Variants in ZBTB17 observed in about 807,000 individuals in gnomAD.
ZBTB17 encodes zinc finger and BTB domain-containing protein 17.
Under a neutral mutation model 85.1 loss-of-function variants are expected in ZBTB17, and 24 were observed. That is an observed-to-expected ratio of 0.28 (90% CI 0.20 to 0.40). ZBTB17 has a LOEUF of 0.40. Among genes scored for constraint, ZBTB17 ranks in the 10% least tolerant of loss-of-function variants. The pLI is 1.00. For synonymous variants in ZBTB17, 464 were observed against 460.2 expected, an observed-to-expected ratio of 1.01 and a Z score of -0.11; for missense variants, 743 against 1,105.1, an observed-to-expected ratio of 0.67 and a Z score of 4.65.
chr1:15,946,883 C>A, intron 4 of ZBTB17, 52 bp downstream of exon 4: 1 of 1,562,234 alleles, frequency 6.4e-7, no homozygotes, highest in Middle Eastern at 2.0e-4. Flanking sequence ...GAGCCCACAT[C>A]AAAAGCCAAG....
chr1:15,971,127 A>G (rs988427730), intron 2 of ZBTB17, among the ~76,000 whole-genome samples: 1 of 152,142 alleles, frequency 6.6e-6, no homozygotes, highest in African/African-American at 2.4e-5. Flanking sequence ...AGTGTTCACA[A>G]CTTCCTTGTA....
intron 2 of ZBTB17, among the ~76,000 whole-genome samples, chr1:15,971,428 T>TAC (rs142948524): frequency 1.0e-5 from 1 of 96,318 alleles, no homozygotes; most frequent in East Asian, 2.4e-4. Context: ...TATATATATA[T>TAC]ACACACACAC....
chr1:15,948,527 G>A (rs2071705267), intron 2 of ZBTB17, 30 bp from the exon 3 acceptor site: 2 of 1,603,030 alleles, frequency 1.2e-6, no homozygotes, highest in East Asian at 4.5e-5. Flanking sequence ...GTTGGGGTTA[G>A]CACGGAGAAA....
intron 2 of ZBTB17, chr1:15,970,134 C>G (rs778567823): frequency 5.0e-6 from 3 of 597,944 alleles, no homozygotes; most frequent in Non-Finnish European, 9.1e-6. Context: ...TCATATGTAC[C>G]TTTTGTCTTA....
In ZBTB17 at chr1:15,944,979, G is replaced by A; in HGVS notation, c.885C>T (p.Arg295=). The change falls in exon 7 of 16, where the codon CGC becomes CGT. Residue 295 remains arginine (R), a synonymous_variant. Coordinates refer to ENST00000375743, the MANE Select transcript of ZBTB17 (RefSeq NM_003443.3). ...RGLRSGTYGD[R]TESKAYGSVI... ...CGGAGCCGTAGGCCTTGGACTCCGT[G>A]CGGTCGCCGTAGGTGCCTGAGCGCA... The A allele has an allele frequency of 6.3e-7, 1 of 1,584,278 alleles. No homozygotes were observed. Among genetic ancestry groups the A allele is most frequent in the South Asian group, 1.1e-5 (1 of 87,464 alleles).
chr1:15,944,163 G>A (rs1254197679), intron 9 of ZBTB17, 137 bp downstream of exon 9: 2 of 1,312,054 alleles, frequency 1.5e-6, no homozygotes, highest in Non-Finnish European at 1.1e-6. Context: ...CTCTCGCTGC[G>A]CCTGTTTCCT....
chr1:15,965,802 G>A (rs780309057), intron 2 of ZBTB17, among the ~76,000 whole-genome samples: 5 of 152,244 alleles, frequency 3.3e-5, no homozygotes, highest in Non-Finnish European at 7.3e-5. Context: ...ATTATATTAA[G>A]TTCAAAAACC....
intron 6 of ZBTB17, 94 bp downstream of exon 6, chr1:15,945,621 G>T: frequency 1.3e-6 from 2 of 1,544,900 alleles, no homozygotes; most frequent in South Asian, 1.2e-5. Context: ...GGACTAGCTG[G>T]AGGCAGGAGG....
In ZBTB17 at chr1:15,947,119, C is replaced by T; in HGVS notation, c.210G>A (p.Leu70=). The change falls in exon 4 of 16, where the codon CTG becomes CTA. Residue 70 remains leucine (L), a synonymous_variant. Transcript: ENST00000375743. ...VHLDISNAAG[L]GQVLEFMYTA... Reference sequence around the variant, plus strand: ...TGTACATAAACTCCAGCACCTGCCCCAGGCCTACCAAGGACAGGACAGCTG... The same window carrying T: ...TGTACATAAACTCCAGCACCTGCCCTAGGCCTACCAAGGACAGGACAGCTG... 1.2e-6 allele frequency: 2 copies of T among 1,608,512 alleles called. No individual in the cohort carries two copies. Among genetic ancestry groups the T allele is most frequent in the Middle Eastern group, 1.7e-4 (1 of 6,048 alleles).
rs1255921533 is a variant in ZBTB17, at chr1:15,943,630, G to T, written c.1545C>A (p.Gly515=). ...IHCQRQFADP[G]ALQRHVRIHT... Reference sequence around the variant, plus strand: ...GAATGCGGACGTGCCGCTGCAGAGCGCCGGGGTCTGCAAACTGTCGCTGGC... The same window carrying T: ...GAATGCGGACGTGCCGCTGCAGAGCTCCGGGGTCTGCAAACTGTCGCTGGC... The change falls in exon 11 of 16, where the codon GGC becomes GGA. Residue 515 remains glycine, a synonymous_variant. Coordinates refer to ENST00000375743, the MANE Select transcript of ZBTB17 (RefSeq NM_003443.3). 6.2e-7 allele frequency: 1 copy of T among 1,612,944 alleles called. No homozygotes were observed. Among genetic ancestry groups the T allele is most frequent in the Admixed American group, 1.7e-5 (1 of 60,024 alleles).
chr1:15,942,987 G>A, intron 13 of ZBTB17, 77 bp downstream of exon 13: 3 of 1,581,638 alleles, frequency 1.9e-6, no homozygotes, highest in Non-Finnish European at 2.6e-6. Context: ...GGGTCTGGGG[G>A]GTCCCTTCCT....
Position 15,951,762 on chromosome 1 carries a change from G to A in ZBTB17, c.-2-3265C>T, listed in dbSNP as rs767349024. 4.6e-5 allele frequency among the ~76,000 whole-genome samples: 7 copies of A among 152,106 alleles called. No individual in the cohort carries two copies. The highest frequency in any genetic ancestry group is 1.0e-4 in the Non-Finnish European group (7 of 68,018). ...CTCAGCGACAGGAACCCAGCAGGACGGCCAGGCTTGGAGGGACATAGGAAA... is the reference window on the plus strand; with the variant it reads ...CTCAGCGACAGGAACCCAGCAGGACAGCCAGGCTTGGAGGGACATAGGAAA... On this transcript the variant is annotated intron_variant, in intron 2 of 15. Coordinates refer to ENST00000375743, the MANE Select transcript of ZBTB17 (RefSeq NM_003443.3). This position sits in a 1 kb window ranked among gnomAD's most constrained non-coding sequence, Gnocchi z 4.1.
chr1:15,962,021 T>C (rs2072277621), intron 2 of ZBTB17, among the ~76,000 whole-genome samples: 1 of 151,864 alleles, frequency 6.6e-6, no homozygotes, highest in Non-Finnish European at 1.5e-5. Flanking sequence ...CTGGGCAACA[T>C]GGTGAGATCC....
intron 5 of ZBTB17, 120 bp from the exon 6 acceptor site, chr1:15,945,960 C>A: frequency 1.3e-6 from 2 of 1,557,630 alleles, no homozygotes; most frequent in Non-Finnish European, 1.7e-6. Context: ...CCCCAGCACA[C>A]CCCTAGCCAA....
intron 6 of ZBTB17, 151 bp downstream of exon 6, chr1:15,945,564 C>T (rs1374137459): frequency 5.1e-6 from 6 of 1,170,134 alleles, no homozygotes; most frequent in Admixed American, 2.6e-5. Context: ...CAAGAACATG[C>T]GAAGACCAAG....
chr1:15,946,839 G>C, intron 4 of ZBTB17, 96 bp downstream of exon 4: 1 of 1,425,984 alleles, frequency 7.0e-7, no homozygotes, highest in Non-Finnish European at 9.4e-7. Flanking sequence ...GGCAGGGCCA[G>C]ATGAGGAAAC....
rs553124841 is a variant in ZBTB17 at position 15,964,622 on chromosome 1, C to T, written c.-3+8417G>A. 1.6e-3 allele frequency among the ~76,000 whole-genome samples: 239 copies of T among 152,086 alleles called. No homozygotes were observed. Among genetic ancestry groups the T allele is most frequent in the Admixed American group, 2.7e-3 (41 of 15,278 alleles). On this transcript the variant is annotated intron_variant, in intron 2 of 15. Coordinates refer to ENST00000375743, the MANE Select transcript of ZBTB17 (RefSeq NM_003443.3). The surrounding 1 kb of genome is among the most constrained non-coding windows in gnomAD (Gnocchi z 4.3). ...GTCTCAGCTACTTGGGAGGCTGAGG[C>T]GGAAGGATAGCTTAAGCCTGGGAGG...
rs1257216566 is a variant in ZBTB17, at chr1:15,973,166, TA to T, written c.-89-42del. On this transcript the variant is annotated intron_variant, in intron 1 of 15. Transcript: ENST00000375743. The surrounding 1 kb of genome is among the most constrained non-coding windows in gnomAD (Gnocchi z 4.1). ...ACAAGTGGAAAATCTGATGAGAACC[TA>T]AAGGGTACCTGCTCCCTCAGAGCTG... 2 of 152,228 alleles carry T rather than the reference TA, an allele frequency of 1.3e-5. No homozygotes were observed. Among genetic ancestry groups the T allele is most frequent in the African/African-American group, 4.8e-5 (2 of 41,454 alleles). 9.4% of individuals were successfully genotyped at this position (152,228 alleles called of 1,614,324 possible).
At chr1:15,959,665 G>C (rs1312848111) in intron 2 of ZBTB17, among the ~76,000 whole-genome samples, 1 of 151,980 alleles carries the variant, frequency 6.6e-6, no homozygotes, top group Non-Finnish European at 1.5e-5. Flanking sequence ...CCAGCTATCT[G>C]GGAGGCTGAG....
Sources: gnomAD v4.1 joint callset for allele counts (sites outside exome capture counted in the v4.1 genomes callset) on GRCh38, gnomAD v4.1.1 for gene constraint, Gnocchi (gnomAD v3.1) non-coding constraint, MANE v1.5 for transcripts, NCBI Gene and HGNC (gene_info 2026-07-23, HGNC 2026-07-21) for gene names.